Variants in CGREF1 observed in about 807,000 individuals in gnomAD.
CGREF1 encodes the protein cell growth regulator with EF hand domain protein 1.
CGREF1 carries 16 observed loss-of-function variants against 17.4 expected under a neutral mutation model. That is an observed-to-expected ratio of 0.92 (90% CI 0.62 to 1.40). The LOEUF (loss-of-function observed/expected upper bound fraction) is 1.40, where lower values mean the gene tolerates loss of function less well. Ranked by LOEUF, CGREF1 falls within the 40% of genes most tolerant of loss-of-function variation. The probability of loss-of-function intolerance (pLI) is 0.00; values close to 1 mark genes in which losing one functional copy is unlikely to be tolerated. For synonymous variants in CGREF1, 142 were observed against 154.6 expected (o/e 0.92, Z 0.61); for missense variants, 296 against 376.4 (o/e 0.79, Z 1.77).
chr2:27,104,697 A>C, intron 1 of CGREF1: 1 of 1,549,750 alleles, frequency 6.5e-7, no homozygotes, highest in Non-Finnish European at 8.7e-7. Context: ...AGAGAAGTAC[A>C]GCGCAAGCAT....
In CGREF1 at chr2:27,100,625, T is replaced by C. The variant is rs1670764463; in HGVS notation, c.*649A>G. On this transcript the variant is annotated 3_prime_UTR_variant, in exon 6 of 6. Transcript: ENST00000402394. Reference sequence around the variant, plus strand: ...AAAATCTGCCATTTAATTAGCTGCATATCACCTTAGGGTACAGCACTTAAC... The same window carrying C: ...AAAATCTGCCATTTAATTAGCTGCACATCACCTTAGGGTACAGCACTTAAC... 1.7e-6 allele frequency: 2 copies of C among 1,175,536 alleles called. No homozygotes were observed. Among genetic ancestry groups the C allele is most frequent in the Non-Finnish European group, 2.2e-6 (2 of 892,372 alleles). 72.8% of individuals were successfully genotyped at this position (1,175,536 alleles called of 1,614,324 possible).
chr2:27,101,900 G>A lies in CGREF1; in HGVS notation c.343-12C>T. 1 of 1,607,486 alleles carries A rather than the reference G, an allele frequency of 6.2e-7. No individual in the cohort carries two copies. The highest frequency in any genetic ancestry group is 8.5e-7 in the Non-Finnish European group (1 of 1,177,174). The stretch of plus-strand genomic sequence containing the variant: ...ACTATCAAGATCACCTGTGGAAGCA[G>A]AGTCACTGTGGGGTCTCCAGGGACA... On this transcript the variant is annotated splice_polypyrimidine_tract_variant and intron_variant, in intron 5 of 5. Coordinates refer to ENST00000402394, the MANE Select transcript of CGREF1 (RefSeq NM_006569.6).
intron 1 of CGREF1, among the ~76,000 whole-genome samples, chr2:27,115,870 C>G (rs1375210008): frequency 6.6e-6 from 1 of 152,204 alleles, no homozygotes; most frequent in Non-Finnish European, 1.5e-5. Context: ...TCTGGAATGT[C>G]CTGGGCCCTC....
Position 27,101,159 on chromosome 2 carries a change from T to C in CGREF1, c.*115A>G. 6.7e-7 allele frequency: 1 copy of C among 1,483,984 alleles called. No individual in the cohort carries two copies. The highest frequency in any genetic ancestry group is 8.9e-7 in the Non-Finnish European group (1 of 1,124,410). 91.9% of individuals were successfully genotyped at this position (1,483,984 alleles called of 1,614,324 possible). A position where few individuals can be genotyped will look rare whatever the true frequency, so the allele number is the denominator to read the frequency against. On this transcript the variant is annotated 3_prime_UTR_variant, in exon 6 of 6. Transcript: ENST00000402394. ...CTGCACAGAAAGACCTGATACCTAC[T>C]GGGACCAGGCAGGGGGCACAGAGAT...
chr2:27,099,487 C>T, downstream of CGREF1: 6 of 1,614,150 alleles, frequency 3.7e-6, no homozygotes, highest in East Asian at 2.2e-5. Flanking sequence ...CAAATTGCTC[C>T]ACTCGGATGC....
intron 1 of CGREF1, among the ~76,000 whole-genome samples, chr2:27,106,265 T>G (rs1671114756): frequency 6.6e-6 from 1 of 152,232 alleles, no homozygotes; most frequent in Non-Finnish European, 1.5e-5. Flanking sequence ...AGTACAAATG[T>G]GCAGTGAAAA....
intron 5 of CGREF1, 98 bp downstream of exon 5, chr2:27,101,999 T>G: frequency 6.4e-7 from 1 of 1,559,222 alleles, no homozygotes. Flanking sequence ...GAGCCCTCCT[T>G]TTACAGAGGA....
At position 27,101,739 on chromosome 2, in the gene CGREF1, T is replaced by C. The variant is rs151066441; in HGVS notation, c.492A>G (p.Gln164=). 8.5e-5 allele frequency: 137 copies of C among 1,614,232 alleles called. No individual in the cohort carries two copies. In the African/African-American group the frequency reaches 1.5e-3, roughly 18 times the overall value. ...CTAATAGGGACTGCCTTCCAACAGC[T>C]TGTGGCTCCTGAGGAGATGGAGCAA... ...EPLAPSPQEP[Q]AVGRQSLLAK... is the part of the protein sequence containing the mutation. Residue 164 remains glutamine, a synonymous_variant, in exon 6 of 6, where the codon CAA becomes CAG. Coordinates refer to ENST00000402394, the MANE Select transcript of CGREF1 (RefSeq NM_006569.6).
At chr2:27,111,516 C>G (rs992538590) in intron 1 of CGREF1, among the ~76,000 whole-genome samples, 1 of 152,258 alleles carries the variant, frequency 6.6e-6, no homozygotes, top group African/African-American at 2.4e-5. Context: ...TGCGCCCGCA[C>G]TCCTCAGCCC....
rs780936723 is a variant in CGREF1 at position 27,101,685 on chromosome 2, CTG to C, written c.544_545del (p.Gln182GlyfsTer33). The part of the protein sequence containing the change: ...LAKSPLRQET[Q>X]EAPGPREEAK... ...CTTCTTCTCTGGGACCAGGGGCTTCCTGTGTTTCTTGTCTTAATGGGCTTTTA... is the reference window on the plus strand; with the variant it reads ...CTTCTTCTCTGGGACCAGGGGCTTCCTGTTTCTTGTCTTAATGGGCTTTTA... On this transcript the variant is annotated frameshift_variant, in exon 6 of 6. Transcript: ENST00000402394. LOFTEE classifies it low-confidence loss of function (END_TRUNC). 2 of 1,614,222 alleles carry C rather than the reference CTG, an allele frequency of 1.2e-6. No homozygotes were observed. Among genetic ancestry groups the C allele is most frequent in the East Asian group, 4.5e-5 (2 of 44,880 alleles).
chr2:27,111,147 C>T lies in CGREF1; in HGVS notation c.-11-6770G>A, dbSNP rs917073287. On this transcript the variant is annotated intron_variant, in intron 1 of 5. Transcript: ENST00000402394. ...TGCTTTTATTCTCTTATCCGGCCCCCACCCACATCCTGCTGATTGGTCCAT... is the reference window on the plus strand; with the variant it reads ...TGCTTTTATTCTCTTATCCGGCCCCTACCCACATCCTGCTGATTGGTCCAT... Among the ~76,000 whole-genome samples, 32 of 152,236 alleles carry T rather than the reference C, an allele frequency of 2.1e-4. 1 individual carries two copies. Among genetic ancestry groups the T allele is most frequent in the African/African-American group, 7.5e-4 (31 of 41,454 alleles).
chr2:27,099,859 C>A (rs760879948), downstream of CGREF1: 1 of 1,551,990 alleles, frequency 6.4e-7, no homozygotes, highest in South Asian at 1.2e-5. Context: ...GGGACAGATG[C>A]AAGCTGTGGG....
chr2:27,108,128 G>A (rs1046781342), intron 1 of CGREF1, among the ~76,000 whole-genome samples: 11 of 147,456 alleles, frequency 7.5e-5, no homozygotes, highest in South Asian at 4.4e-4. Flanking sequence ...GGTGGCACAC[G>A]CCTGTAATCC....
chr2:27,111,542 G>A (rs1671382674), intron 1 of CGREF1, among the ~76,000 whole-genome samples: 1 of 152,248 alleles, frequency 6.6e-6, no homozygotes, highest in African/African-American at 2.4e-5. Context: ...TGGTCGATGG[G>A]ACAGGGCGCC....
In CGREF1 at chr2:27,101,339, C is replaced by G. The variant is rs1193371850; in HGVS notation, c.892G>C (p.Glu298Gln). The change falls in exon 6 of 6, where the codon GAG becomes CAG. Residue 298 changes from glutamate (E) to glutamine (Q), a missense_variant. Around this residue, in one of 3 missense-constraint regions of CGREF1, gnomAD observed 40 missense variants for 40.8 expected, o/e 0.98. Transcript: ENST00000402394. Reference sequence around the variant, plus strand: ...AAGTCATTTTGGGTGTTCTTAGACTCCAGTGTTTCCCCTGGAAGTTCCTTG... The same window carrying G: ...AAGTCATTTTGGGTGTTCTTAGACTGCAGTGTTTCCCCTGGAAGTTCCTTG... ...EAKELPGETL[E>Q]SKNTQNDFEV... 2 of 1,609,220 alleles carry G rather than the reference C, an allele frequency of 1.2e-6. No individual in the cohort carries two copies. The highest frequency in any genetic ancestry group is 1.7e-6 in the Non-Finnish European group (2 of 1,177,492).
chr2:27,107,720 G>T (rs1671181266), intron 1 of CGREF1, among the ~76,000 whole-genome samples: 6 of 150,650 alleles, frequency 4.0e-5, no homozygotes, highest in Admixed American at 4.0e-4. Context: ...GGATCACGAG[G>T]TCAGGTGATT....
intron 2 of CGREF1, among the ~76,000 whole-genome samples, chr2:27,104,010 C>T (rs1671015995): frequency 6.6e-6 from 1 of 152,068 alleles, no homozygotes; most frequent in Admixed American, 6.6e-5. Flanking sequence ...CAAACAATTG[C>T]AGCCCCCACT....
downstream of CGREF1, chr2:27,099,875 C>G: frequency 6.5e-7 from 1 of 1,549,646 alleles, no homozygotes. Flanking sequence ...GTGGGGAGGA[C>G]TCTGCCTGTG....
intron 2 of CGREF1, chr2:27,103,121 C>T (rs1670972845): frequency 2.0e-6 from 2 of 985,172 alleles, no homozygotes; most frequent in Admixed American, 1.2e-4. Flanking sequence ...CTTTCAAGCT[C>T]CAAATGTGCT....
Sources: allele counts gnomAD v4.1 joint callset (sites outside exome capture counted in the v4.1 genomes callset), GRCh38; gene constraint gnomAD v4.1.1; regional missense constraint gnomAD v4.1.1; transcripts MANE v1.5; gene names NCBI Gene and HGNC (gene_info 2026-07-23, HGNC 2026-07-21).